Variants in SEZ6 observed in about 807,000 individuals in gnomAD.
SEZ6 encodes seizure protein 6 homolog.
A neutral mutation model predicts 101.0 loss-of-function variants in SEZ6; 53 were observed. The observed-to-expected ratio is 0.52, with a 90% confidence interval of 0.42 to 0.66. SEZ6 has a LOEUF of 0.66. SEZ6 is among the 30% of genes least tolerant of loss of function. The probability of loss-of-function intolerance (pLI) is 0.00; values close to 1 mark genes in which losing one functional copy is unlikely to be tolerated. For synonymous variants in SEZ6, 488 were observed against 512.2 expected (o/e 0.95, Z 0.64); for missense variants, 1,102 against 1,289.4 (o/e 0.85, Z 2.23).
At chr17:28,956,328 C>T in intron 15 of SEZ6, 22 bp downstream of exon 15, 1 of 1,575,946 alleles carries the variant, frequency 6.3e-7, no homozygotes, top group South Asian at 1.2e-5. Flanking sequence ...GTATGCAGAG[C>T]AGAAAGAGAA....
Position 28,967,506 on chromosome 17 carries a change from G to T in SEZ6, c.1054+2251C>A, listed in dbSNP as rs1164172259. 3.3e-5 allele frequency among the ~76,000 whole-genome samples: 5 copies of T among 152,204 alleles called. No homozygotes were observed. In the East Asian group the frequency reaches 9.6e-4, roughly 29 times the overall value. On this transcript the variant is annotated intron_variant, in intron 4 of 16. Transcript: ENST00000317338. ...AGAGTAACAGACAAGCCTGCTCTGG[G>T]TGGTTGTCCAGGGCAGCCACTCACA... is the stretch of plus-strand genomic sequence containing the variant.
At chr17:28,965,307 G>C (rs1236663758) in intron 4 of SEZ6, among the ~76,000 whole-genome samples, 1 of 152,130 alleles carries the variant, frequency 6.6e-6, no homozygotes, top group African/African-American at 2.4e-5. Context: ...AGCCGAGATC[G>C]TGCCATTGCG....
At chr17:28,957,651 C>T (rs2040905816) in intron 11 of SEZ6, 112 bp from the exon 12 acceptor site, 3 of 1,167,970 alleles carry the variant, frequency 2.6e-6, no homozygotes, top group South Asian at 3.1e-5. Context: ...TGGGTCTACC[C>T]CCTACGTATC....
intron 4 of SEZ6, among the ~76,000 whole-genome samples, chr17:28,966,789 T>C (rs2041076011): frequency 1.3e-5 from 2 of 152,298 alleles, no homozygotes; most frequent in South Asian, 4.1e-4. Flanking sequence ...AGAGGCTGTC[T>C]CAGGGCAGAC....
intron 1 of SEZ6, among the ~76,000 whole-genome samples, chr17:29,003,457 T>C (rs531230549): frequency 6.6e-6 from 1 of 152,340 alleles, no homozygotes; most frequent in South Asian, 2.1e-4. Context: ...CCTGGCTACA[T>C]CCTGCAGTCT....
chr17:28,968,675 G>A (rs912123884), intron 4 of SEZ6, among the ~76,000 whole-genome samples: 1 of 152,164 alleles, frequency 6.6e-6, no homozygotes, highest in African/African-American at 2.4e-5. Flanking sequence ...TGAGGGTAGG[G>A]TGAGTGCTCC....
chr17:29,005,701 C>T lies in SEZ6; in HGVS notation c.55+114G>A. On this transcript the variant is annotated intron_variant, in intron 1 of 16. Coordinates refer to ENST00000317338, the MANE Select transcript of SEZ6 (RefSeq NM_178860.5). The surrounding 1 kb of genome is among the most constrained non-coding windows in gnomAD (Gnocchi z 4.8). The stretch of plus-strand genomic sequence containing the variant: ...GCCGGGGGCAGCGCAGCCGGCGGGG[C>T]GCGGTGCTTGGACTGGGCAGCCAGA... 5.7e-6 allele frequency: 6 copies of T among 1,053,090 alleles called. No homozygotes were observed. The highest frequency in any genetic ancestry group is 7.5e-6 in the Non-Finnish European group (6 of 803,418). The allele number at this position is 1,053,090 out of a possible 1,614,324, so 65.2% of individuals were successfully genotyped here. A position where few individuals can be genotyped will look rare whatever the true frequency, so the allele number is the denominator to read the frequency against.
Position 28,959,321 on chromosome 17 carries a change from G to C in SEZ6, c.1910+13C>G. The C allele has an allele frequency of 2.5e-6, 4 of 1,613,926 alleles. No homozygotes were observed. The highest frequency in any genetic ancestry group is 3.4e-6 in the Non-Finnish European group (4 of 1,179,868). On this transcript the variant is annotated intron_variant, in intron 9 of 16. Coordinates refer to ENST00000317338, the MANE Select transcript of SEZ6 (RefSeq NM_178860.5). This position sits in a 1 kb window ranked among gnomAD's most constrained non-coding sequence, Gnocchi z 4.4. ...CTCAGGAGTTGGCTCGGCCTGACCC[G>C]GTAGGCACTCACACTCGGATGTCCA...
intron 3 of SEZ6, 31 bp downstream of exon 3, chr17:28,979,649 G>C: frequency 6.2e-7 from 1 of 1,613,702 alleles, no homozygotes; most frequent in Non-Finnish European, 8.5e-7. Context: ...ACCCGCCCCA[G>C]CTTTGCCCTT....
At chr17:28,964,917 A>G (rs926334785) in intron 4 of SEZ6, among the ~76,000 whole-genome samples, 4 of 151,212 alleles carry the variant, frequency 2.6e-5, no homozygotes, top group African/African-American at 4.9e-5. Flanking sequence ...TTAGCCGGGC[A>G]TGGTGGCGCA....
chr17:28,978,624 G>A (rs1290713210), intron 3 of SEZ6, among the ~76,000 whole-genome samples: 1 of 152,242 alleles, frequency 6.6e-6, no homozygotes, highest in Non-Finnish European at 1.5e-5. Flanking sequence ...AAGCTGTTTA[G>A]TGCAAAGTGG....
At chr17:28,987,290 G>A (rs2041397575) in intron 1 of SEZ6, among the ~76,000 whole-genome samples, 1 of 152,156 alleles carries the variant, frequency 6.6e-6, no homozygotes, top group Non-Finnish European at 1.5e-5. Flanking sequence ...AGAACCTGAG[G>A]GAGCTGAGAG....
At chr17:28,979,147 A>G (rs2041263713) in intron 3 of SEZ6, among the ~76,000 whole-genome samples, 1 of 152,050 alleles carries the variant, frequency 6.6e-6, no homozygotes, top group South Asian at 2.1e-4. Flanking sequence ...ATTAAGAGAA[A>G]GTCTTAATCC....
chr17:28,966,397 C>T (rs1039421952), intron 4 of SEZ6, among the ~76,000 whole-genome samples: 10 of 151,534 alleles, frequency 6.6e-5, no homozygotes, highest in Non-Finnish European at 1.3e-4. Context: ...GCAGGAGAAT[C>T]GCTTGAACTC....
intron 1 of SEZ6, among the ~76,000 whole-genome samples, chr17:28,982,338 C>A (rs2041320349): frequency 6.6e-6 from 1 of 152,192 alleles, no homozygotes; most frequent in Admixed American, 6.5e-5. Context: ...CTCAACACAG[C>A]ACTCCACGAG....
rs1316476023 is a variant in SEZ6, at chr17:28,959,515, C to T, written c.1772-43G>A. The stretch of plus-strand genomic sequence containing the variant: ...CCCAGAAGGGTCTTTTCAAGCTTAC[C>T]ATGGTGTTGCTTACCATCTGCCCGC... On this transcript the variant is annotated intron_variant, in intron 8 of 16. Transcript: ENST00000317338. This position sits in a 1 kb window ranked among gnomAD's most constrained non-coding sequence, Gnocchi z 4.4. 2 of 1,599,500 alleles carry T rather than the reference C, an allele frequency of 1.3e-6. No individual in the cohort carries two copies. Among genetic ancestry groups the T allele is most frequent in the Admixed American group, 1.7e-5 (1 of 59,746 alleles).
chr17:28,982,741 A>G lies in SEZ6; in HGVS notation c.56-702T>C, dbSNP rs181298123. Among the ~76,000 whole-genome samples, 145 of 151,808 alleles carry G rather than the reference A, an allele frequency of 9.6e-4. No homozygotes were observed. In the Middle Eastern group the frequency reaches 0.027, roughly 28 times the overall value. ...TGATCATGGCTCCACTGCAGCCTCA[A>G]CCTCCCAGGTTCAAGCGATCCTCCC... On this transcript the variant is annotated intron_variant, in intron 1 of 16. Transcript: ENST00000317338.
intron 2 of SEZ6, 94 bp from the exon 3 acceptor site, chr17:28,979,907 G>GTGTA (rs960378226): frequency 7.6e-7 from 1 of 1,318,882 alleles, no homozygotes; most frequent in African/African-American, 1.5e-5. Context: ...GTGTGTGTGT[G>GTGTA]TGTGTGTGTG....
Position 28,955,516 on chromosome 17 carries a change from G to A in SEZ6, c.*446C>T, listed in dbSNP as rs1044261260. Reference sequence around the variant, plus strand: ...CCGTTGAGAGGAGTTTTGGCCATTGGTGATGGCGCTGTGAGGAGTACCCTG... The same window carrying A: ...CCGTTGAGAGGAGTTTTGGCCATTGATGATGGCGCTGTGAGGAGTACCCTG... On this transcript the variant is annotated 3_prime_UTR_variant, in exon 17 of 17. Transcript: ENST00000317338. The A allele has an allele frequency of 2.0e-5, 8 of 409,144 alleles. No individual in the cohort carries two copies. The highest frequency in any genetic ancestry group is 1.0e-4 in the African/African-American group (5 of 49,358). The allele number at this position is 409,144 out of a possible 1,614,324, so 25.3% of individuals were successfully genotyped here.
Sources: allele counts gnomAD v4.1 joint callset (sites outside exome capture counted in the v4.1 genomes callset), GRCh38; gene constraint gnomAD v4.1.1; non-coding constraint Gnocchi (gnomAD v3.1); transcripts MANE v1.5; gene names NCBI Gene and HGNC (gene_info 2026-07-23, HGNC 2026-07-21).